The following ANK1 variants were observed in gnomAD, a reference collection of about 807,000 sequenced individuals.
ANK1 encodes ankyrin-1.
ANK1 carries 51 observed loss-of-function variants against 210.4 expected under a neutral mutation model. The ratio of observed to expected loss-of-function variants is 0.24; its 90% CI spans 0.19 to 0.31. ANK1 has a LOEUF of 0.31. Ranked by LOEUF, ANK1 falls within the 10% of genes least tolerant of loss-of-function variation. The pLI, the probability that ANK1 is intolerant of heterozygous loss-of-function variation, is 1.00. For synonymous variants in ANK1, 967 were observed against 1,025.9 expected, an observed-to-expected ratio of 0.94 and a Z score of 1.10; for missense variants, 2,051 against 2,504.4, an observed-to-expected ratio of 0.82 and a Z score of 3.86.
In ANK1 at chr8:41,686,286, G is replaced by A. The variant is rs1467228873; in HGVS notation, c.4259-3C>T. 8 of 1,613,484 alleles carry A rather than the reference G, an allele frequency of 5.0e-6. No individual in the cohort carries two copies. Among genetic ancestry groups the A allele is most frequent in the South Asian group, 2.2e-5 (2 of 91,048 alleles). ...GAACTGCAGCTCCCGGGCCAACTCT[G>A]CAAGCAAAGAACCAACAGCAGATGT... On this transcript the variant is annotated splice_polypyrimidine_tract_variant and splice_region_variant and intron_variant, in intron 35 of 42. Transcript: ENST00000289734.
At chr8:41,839,902 G>A (rs1360494389) in intron 1 of ANK1, among the ~76,000 whole-genome samples, 2 of 152,084 alleles carry the variant, frequency 1.3e-5, no homozygotes, top group Non-Finnish European at 2.9e-5. Context: ...TATCAACACT[G>A]GTTCATTCAT....
upstream of ANK1, among the ~76,000 whole-genome samples, chr8:41,797,840 C>T (rs1237367415): frequency 6.6e-6 from 1 of 151,888 alleles, no homozygotes; most frequent in Non-Finnish European, 1.5e-5. The surrounding 1 kb of genome is among the most constrained non-coding windows in gnomAD (Gnocchi z 4.0). Context: ...CGAGAGCAGC[C>T]GGGGAGAGCT....
chr8:41,704,129 C>G lies in ANK1; in HGVS notation c.2207G>C (p.Ser736Thr). Residue 736 changes from serine (S) to threonine (T), a missense_variant, in exon 20 of 43, where the codon AGC (serine) becomes ACC (threonine). This residue lies in a region of ANK1 where 1,413 missense variants were observed against 1,707.4 expected (regional missense o/e 0.83). Transcript: ENST00000289734. This position sits in a 1 kb window ranked among gnomAD's most constrained non-coding sequence, Gnocchi z 4.1. ...DVNAKTKLGY[S>T]PLHQAAQQGH... is the part of the protein sequence containing the mutation. ...CTGCTGGGCTGCCTGGTGCAGGGGG[C>G]TGTATCCTAGCTGCAAAGTGAGCAG... 1 of 1,613,816 alleles carries G rather than the reference C, an allele frequency of 6.2e-7. No homozygotes were observed. The highest frequency in any genetic ancestry group is 8.5e-7 in the Non-Finnish European group (1 of 1,179,924).
chr8:41,847,859 A>G (rs1810360440), intron 1 of ANK1, among the ~76,000 whole-genome samples: 1 of 152,146 alleles, frequency 6.6e-6, no homozygotes, highest in Non-Finnish European at 1.5e-5. Flanking sequence ...TGATAGATTT[A>G]TCATTTTCTT....
intron 26 of ANK1, 23 bp from the exon 27 acceptor site, chr8:41,695,354 G>A (rs1249725744): frequency 1.2e-6 from 2 of 1,613,632 alleles, no homozygotes; most frequent in Admixed American, 1.7e-5. Flanking sequence ...CACAGTGGTG[G>A]TGGGGAGGTG....
In ANK1 at chr8:41,690,314, G is replaced by A. The variant is rs201453524; in HGVS notation, c.4017C>T (p.Ser1339=). ...TCATCGCCTTGCGCAGAAACGACAG[G>A]GACCCTCCCGGCTCTCGACTGCTGT... ...VRDSSREPGG[S]LSFLRKAMKY... Residue 1339 remains serine, a synonymous_variant, in exon 33 of 43, where the codon TCC becomes TCT. Transcript: ENST00000289734. 2.8e-5 allele frequency: 46 copies of A among 1,614,102 alleles called. No individual in the cohort carries two copies. The highest frequency in any genetic ancestry group is 3.7e-5 in the Non-Finnish European group (44 of 1,180,060).
intron 1 of ANK1, among the ~76,000 whole-genome samples, chr8:41,826,043 G>A (rs1465724995): frequency 6.6e-6 from 1 of 152,098 alleles, no homozygotes; most frequent in African/African-American, 2.4e-5. Context: ...GTGACTTTTT[G>A]TAGGCAATTA....
intron 1 of ANK1, among the ~76,000 whole-genome samples, chr8:41,814,762 C>A (rs978238567): frequency 1.4e-4 from 21 of 150,382 alleles, no homozygotes; most frequent in Non-Finnish European, 2.4e-4. Context: ...CCATGGCAAA[C>A]AACATCTTAA....
At chr8:41,740,006 G>A (rs1024734169) in intron 2 of ANK1, among the ~76,000 whole-genome samples, 5 of 151,812 alleles carry the variant, frequency 3.3e-5, no homozygotes, top group African/African-American at 1.2e-4. Flanking sequence ...CTGTACATCT[G>A]GCCCTCTAAG....
At chr8:41,848,187 AAAATAAATAAATAAATAAAT>A (rs10632156) in intron 1 of ANK1, among the ~76,000 whole-genome samples, 3 of 142,872 alleles carry the variant, frequency 2.1e-5, no homozygotes, top group African/African-American at 5.2e-5. Flanking sequence ...CTCAATTTCA[AAAATAAATAAATAAATAAAT>A]AAATAAATAA....
In ANK1 at chr8:41,715,769, G is replaced by A; in HGVS notation, c.1485C>T (p.Asn495=). ...MVKLLLENNA[N]PNLATTAGHT... ...GCCCGGCGGTGGTGGCCAGGTTGGG[G>A]TTGGCGTTATTTTCCAGCAGGAGCT... is the stretch of plus-strand genomic sequence containing the variant. The change falls in exon 14 of 43, where the codon AAC becomes AAT. Residue 495 remains asparagine (N), a synonymous_variant. Coordinates refer to ENST00000289734, the MANE Select transcript of ANK1 (RefSeq NM_000037.4). 1 of 1,614,212 alleles carries A rather than the reference G, an allele frequency of 6.2e-7. No homozygotes were observed. The highest frequency in any genetic ancestry group is 8.5e-7 in the Non-Finnish European group (1 of 1,180,038).
chr8:41,827,644 ACTCG>A (rs1015769649), intron 1 of ANK1, among the ~76,000 whole-genome samples: 3 of 151,788 alleles, frequency 2.0e-5, no homozygotes, highest in Non-Finnish European at 4.4e-5. Context: ...ACACACACAC[ACTCG>A]AATACCTACC....
At chr8:41,696,631 C>T (rs1030670440) in intron 25 of ANK1, 44 bp from the exon 26 acceptor site, 21 of 1,610,220 alleles carry the variant, frequency 1.3e-5, no homozygotes, top group Non-Finnish European at 1.7e-5. Context: ...CATCCCCTCT[C>T]GGAGATGGAG....
At chr8:41,707,976 C>T in intron 17 of ANK1, among the ~76,000 whole-genome samples, 1 of 152,132 alleles carries the variant, frequency 6.6e-6, no homozygotes, top group East Asian at 1.9e-4. Flanking sequence ...AGGCAAATTC[C>T]TAGAGACTGA....
intron 1 of ANK1, among the ~76,000 whole-genome samples, chr8:41,764,074 G>A (rs760627618): frequency 4.0e-5 from 6 of 151,746 alleles, no homozygotes; most frequent in Non-Finnish European, 7.4e-5. Context: ...CCAATATCCT[G>A]CTAGGGCAAA....
intron 26 of ANK1, among the ~76,000 whole-genome samples, chr8:41,695,619 C>A (rs1820685404): frequency 6.6e-6 from 1 of 152,264 alleles, no homozygotes; most frequent in Non-Finnish European, 1.5e-5. Flanking sequence ...GTCCTTGCAC[C>A]TGATTCCAAA....
At chr8:41,737,755 T>C (rs375743963) in intron 2 of ANK1, among the ~76,000 whole-genome samples, 6 of 152,342 alleles carry the variant, frequency 3.9e-5, no homozygotes, top group African/African-American at 1.4e-4. Flanking sequence ...CAAACCCCAC[T>C]GGGCACAGTT....
chr8:41,674,246 G>A (rs1055940315), intron 37 of ANK1, among the ~76,000 whole-genome samples: 2 of 152,154 alleles, frequency 1.3e-5, no homozygotes, highest in Admixed American at 1.3e-4. Flanking sequence ...AGAGAGGTCC[G>A]ATTACATGCC....
chr8:41,662,949 T>C (rs1808986188), intron 40 of ANK1, among the ~76,000 whole-genome samples: 1 of 152,150 alleles, frequency 6.6e-6, no homozygotes, highest in Non-Finnish European at 1.5e-5. Flanking sequence ...GGGGTCTCAC[T>C]CTGTCACCCA....
Sources: gnomAD v4.1 joint callset for allele counts (sites outside exome capture counted in the v4.1 genomes callset) on GRCh38, gnomAD v4.1.1 for gene constraint, gnomAD v4.1.1 regional missense constraint, Gnocchi (gnomAD v3.1) non-coding constraint, MANE v1.5 for transcripts, NCBI Gene and HGNC (gene_info 2026-07-23, HGNC 2026-07-21) for gene names.